TET1: variants seen among roughly 807,000 people sequenced by gnomAD.
The protein encoded by TET1 is tet methylcytosine dioxygenase 1, also known as methylcytosine dioxygenase TET1.
Under a neutral mutation model 148.7 loss-of-function variants are expected in TET1, and 13 were observed. The observed-to-expected ratio is 0.09, with a 90% confidence interval of 0.06 to 0.14. The LOEUF (loss-of-function observed/expected upper bound fraction) is 0.14, where lower values mean the gene tolerates loss of function less well. TET1 is among the 10% of genes least tolerant of loss of function. TET1 has a pLI of 1.00. For synonymous variants in TET1, 907 were observed against 937.2 expected (o/e 0.97, Z 0.59); for missense variants, 2,182 against 2,553.8 (o/e 0.85, Z 3.14).
intron 2 of TET1, among the ~76,000 whole-genome samples, chr10:68,578,806 G>A (rs1346042667): frequency 6.6e-6 from 1 of 151,942 alleles, no homozygotes; most frequent in Middle Eastern, 3.2e-3. Flanking sequence ...TCTAACTTGG[G>A]GTGCTGGGAT....
intron 2 of TET1, among the ~76,000 whole-genome samples, chr10:68,580,625 A>C (rs2132811715): frequency 6.6e-6 from 1 of 150,718 alleles, no homozygotes; most frequent in East Asian, 2.0e-4. Context: ...CCAAAAATTC[A>C]AAAAAAATTA....
At chr10:68,650,469 T>G (rs370834293) in intron 4 of TET1, among the ~76,000 whole-genome samples, 1 of 151,786 alleles carries the variant, frequency 6.6e-6, no homozygotes, top group Non-Finnish European at 1.5e-5. Context: ...ATGGTGAAGC[T>G]AAAAGTACAA....
chr10:68,573,348 C>A lies in TET1; in HGVS notation c.1010C>A (p.Ala337Glu), dbSNP rs755974529. The A allele has an allele frequency of 6.2e-6, 10 of 1,613,990 alleles. No homozygotes were observed. In the East Asian group the frequency reaches 1.6e-4, roughly 25 times the overall value. Residue 337 changes from alanine (A) to glutamate (E), a missense_variant, in exon 2 of 12, where the codon GCG becomes GAG. Around this residue, in one of 11 missense-constraint regions of TET1, gnomAD observed 665 missense variants for 672.4 expected, o/e 0.99. Coordinates refer to ENST00000373644, the MANE Select transcript of TET1 (RefSeq NM_030625.3). ...TTCCTCTTGGCAGGCTCAAAACAAG[C>A]GACCCTTGGTGCTAAACCAGATCAT... The part of the protein sequence containing the change: ...IKFLLAGSKQ[A>E]TLGAKPDHQE...
chr10:68,624,694 C>CTCTCTCTCTT lies in TET1; in HGVS notation c.1969-20001_1969-20000insCTCTCTTTCT, dbSNP rs768656277. On this transcript the variant is annotated intron_variant, in intron 3 of 11. Coordinates refer to ENST00000373644, the MANE Select transcript of TET1 (RefSeq NM_030625.3). The stretch of plus-strand genomic sequence containing the variant: ...TCTCTCTCTCTCTCTCTCTCTCTCT[C>CTCTCTCTCTT]TCTTTCTTTCTTTTCCTTCCTTCTT... Among the ~76,000 whole-genome samples, 199 of 95,696 alleles carry CTCTCTCTCTT rather than the reference C, an allele frequency of 2.1e-3. 2 individuals carry two copies. Among genetic ancestry groups the CTCTCTCTCTT allele is most frequent in the Non-Finnish European group, 3.2e-3 (148 of 46,520 alleles). 62.8% of individuals were successfully genotyped at this position (95,696 alleles called of 152,430 possible). A position where few individuals can be genotyped will look rare whatever the true frequency, so the allele number is the denominator to read the frequency against.
intron 6 of TET1, among the ~76,000 whole-genome samples, chr10:68,660,443 G>A (rs1169407595): frequency 6.7e-6 from 1 of 149,894 alleles, no homozygotes; most frequent in South Asian, 2.1e-4. Flanking sequence ...GGTTTCAAGC[G>A]ATTCTCCTGT....
At chr10:68,679,527 C>T (rs2055408021) in intron 8 of TET1, among the ~76,000 whole-genome samples, 1 of 152,092 alleles carries the variant, frequency 6.6e-6, no homozygotes, top group Admixed American at 6.5e-5. Context: ...ACACGGTTAC[C>T]CAGCCCACTG....
intron 2 of TET1, among the ~76,000 whole-genome samples, chr10:68,587,471 GAAGTT>G (rs1315823075): frequency 2.0e-5 from 3 of 152,190 alleles, no homozygotes; most frequent in Non-Finnish European, 4.4e-5. Flanking sequence ...GGGCAACACA[GAAGTT>G]AAGTTGCTTT....
chr10:68,565,306 CCT>C lies in TET1; in HGVS notation c.-123+4565_-123+4566del, dbSNP rs1306963456. 1.5e-4 allele frequency among the ~76,000 whole-genome samples: 22 copies of C among 151,626 alleles called. No homozygotes were observed. The East Asian group carries it at 4.1e-3, about 28-fold the overall frequency. The stretch of plus-strand genomic sequence containing the variant: ...GGCCTGGGCAGCATAGTGAGACCAC[CCT>C]GTCTTTACAAAAGAAAGAAAAAATT... On this transcript the variant is annotated intron_variant, in intron 1 of 11. Coordinates refer to ENST00000373644, the MANE Select transcript of TET1 (RefSeq NM_030625.3).
chr10:68,643,654 C>G (rs2054794640), intron 3 of TET1, among the ~76,000 whole-genome samples: 1 of 151,802 alleles, frequency 6.6e-6, no homozygotes. Flanking sequence ...AACCCCATCT[C>G]TATTAAAAAT....
chr10:68,565,002 A>G (rs2053591049), intron 1 of TET1, among the ~76,000 whole-genome samples: 1 of 152,166 alleles, frequency 6.6e-6, no homozygotes, highest in Non-Finnish European at 1.5e-5. Flanking sequence ...CAGCCTGGGC[A>G]ACAGAGCAAG....
intron 2 of TET1, among the ~76,000 whole-genome samples, chr10:68,588,822 C>CAA (rs61499996): frequency 0.076 from 11,003 of 145,276 alleles, 554 homozygotes; most frequent in African/African-American, 0.15. Context: ...GACCCTGTCT[C>CAA]AAAAAAAAAA....
rs531757087 is a variant in TET1 at position 68,633,184 on chromosome 10, AAAAAAAACAAAAAC to A, written c.1969-11502_1969-11489del. Among the ~76,000 whole-genome samples, 82 of 151,856 alleles carry A rather than the reference AAAAAAAACAAAAAC, an allele frequency of 5.4e-4. 1 individual carries two copies. In the East Asian group the frequency reaches 0.011, roughly 20 times the overall value. On this transcript the variant is annotated intron_variant, in intron 3 of 11. Coordinates refer to ENST00000373644, the MANE Select transcript of TET1 (RefSeq NM_030625.3). Reference sequence around the variant, plus strand: ...GGGTGACAGAGTGAGACCTCATCTCAAAAAAAACAAAAACAAAAAAACAAAGTGTTGTTGAAGTC... The same window carrying A: ...GGGTGACAGAGTGAGACCTCATCTCAAAAAAAACAAAGTGTTGTTGAAGTC...
intron 7 of TET1, 72 bp downstream of exon 7, chr10:68,667,328 T>A: frequency 8.0e-7 from 1 of 1,253,440 alleles, no homozygotes; most frequent in Non-Finnish European, 1.1e-6. Flanking sequence ...GTTAATTAGC[T>A]ACCAACTATG....
intron 2 of TET1, among the ~76,000 whole-genome samples, chr10:68,595,609 C>CTTCTTTTT (rs2053968596): frequency 2.2e-5 from 2 of 89,386 alleles, no homozygotes; most frequent in African/African-American, 5.0e-5. Context: ...ACACACACAG[C>CTTCTTTTT]TTCTTTTTTT....
intron 3 of TET1, among the ~76,000 whole-genome samples, chr10:68,642,888 C>T (rs1418002201): frequency 6.6e-6 from 1 of 151,998 alleles, no homozygotes; most frequent in African/African-American, 2.4e-5. Context: ...TACAGGTATG[C>T]GCTACTGTAC....
At chr10:68,589,302 A>G (rs556947990) in intron 2 of TET1, among the ~76,000 whole-genome samples, 56 of 152,076 alleles carry the variant, frequency 3.7e-4, no homozygotes, top group African/African-American at 1.2e-3. Context: ...CTCCCAGATT[A>G]TCAATTTCAT....
intron 2 of TET1, among the ~76,000 whole-genome samples, chr10:68,600,437 G>T (rs1380785669): frequency 6.6e-6 from 1 of 152,190 alleles, no homozygotes; most frequent in Non-Finnish European, 1.5e-5. Context: ...GCTTGTGGCT[G>T]CCTGTGTCCT....
At chr10:68,677,245 C>G (rs2055373974) in intron 8 of TET1, among the ~76,000 whole-genome samples, 1 of 152,204 alleles carries the variant, frequency 6.6e-6, no homozygotes, top group East Asian at 1.9e-4. Context: ...TTCCTCTCAT[C>G]AAACGGGGGC....
intron 3 of TET1, among the ~76,000 whole-genome samples, chr10:68,617,133 T>C (rs1208817263): frequency 6.9e-6 from 1 of 144,310 alleles, no homozygotes; most frequent in Non-Finnish European, 1.5e-5. Flanking sequence ...ACTATTCTCC[T>C]GCCTCAGCCT....
Sources: gnomAD v4.1 joint callset for allele counts (sites outside exome capture counted in the v4.1 genomes callset) on GRCh38, gnomAD v4.1.1 for gene constraint, gnomAD v4.1.1 regional missense constraint, MANE v1.5 for transcripts, NCBI Gene and HGNC (gene_info 2026-07-23, HGNC 2026-07-21) for gene names.